Variants in ASCC3 observed in about 807,000 individuals in gnomAD.
The protein encoded by ASCC3 is ASC-1 complex subunit P200.
A neutral mutation model predicts 256.3 loss-of-function variants in ASCC3; 158 were observed. That is an observed-to-expected ratio of 0.62 (90% CI 0.54 to 0.70). The LOEUF (loss-of-function observed/expected upper bound fraction) is 0.70. ASCC3 is among the 30% of genes least tolerant of loss of function. The pLI is 0.00. For synonymous variants in ASCC3, 948 were observed against 883.4 expected (o/e 1.07, Z -1.30); for missense variants, 2,259 against 2,626.0 (o/e 0.86, Z 3.05).
In ASCC3 at chr6:100,647,485, C is replaced by T. The variant is rs765296291; in HGVS notation, c.3253-34G>A. On this transcript the variant is annotated intron_variant, in intron 20 of 41. Coordinates refer to ENST00000369162, the MANE Select transcript of ASCC3 (RefSeq NM_006828.4). ...TTATAGGAGGAGATTGGTGGTTATA[C>T]CCAATGTGCTTTTAAATTTGTCAAT... 5 of 1,552,600 alleles carry T rather than the reference C, an allele frequency of 3.2e-6. No homozygotes were observed. The African/African-American group carries it at 6.8e-5, about 21-fold the overall frequency.
chr6:100,601,265 G>T (rs1026931470), intron 34 of ASCC3, among the ~76,000 whole-genome samples: 1 of 152,010 alleles, frequency 6.6e-6, no homozygotes, highest in Admixed American at 6.6e-5. Flanking sequence ...CTAAAGATCA[G>T]CCCTTAAAAA....
chr6:100,691,690 AAATTT>A (rs1777857784), intron 13 of ASCC3, among the ~76,000 whole-genome samples: 1 of 152,048 alleles, frequency 6.6e-6, no homozygotes, highest in Non-Finnish European at 1.5e-5. Context: ...TTACTTATAC[AAATTT>A]AATATAAATC....
chr6:100,521,571 C>T (rs1774312566), intron 37 of ASCC3, among the ~76,000 whole-genome samples: 1 of 152,132 alleles, frequency 6.6e-6, no homozygotes, highest in South Asian at 2.1e-4. Flanking sequence ...TAATCAGGTT[C>T]TGTACTATCC....
At chr6:100,524,255 A>G (rs894723219) in intron 37 of ASCC3, among the ~76,000 whole-genome samples, 2 of 152,134 alleles carry the variant, frequency 1.3e-5, no homozygotes, top group Non-Finnish European at 2.9e-5. Context: ...CACACAGCAG[A>G]AAAATGTGAA....
At chr6:100,721,350 T>C (rs538606457) in intron 11 of ASCC3, among the ~76,000 whole-genome samples, 1 of 151,898 alleles carries the variant, frequency 6.6e-6, no homozygotes, top group Admixed American at 6.6e-5. Flanking sequence ...ATTGTAATAG[T>C]ATGGCTCCTT....
chr6:100,761,641 A>T (rs767565250), intron 10 of ASCC3, among the ~76,000 whole-genome samples: 1 of 152,196 alleles, frequency 6.6e-6, no homozygotes, highest in Non-Finnish European at 1.5e-5. Flanking sequence ...GAGTTTGGAG[A>T]TTATTGGCCC....
chr6:100,771,882 T>G (rs1409801802), intron 8 of ASCC3, among the ~76,000 whole-genome samples: 7 of 139,980 alleles, frequency 5.0e-5, no homozygotes, highest in African/African-American at 1.4e-4. Flanking sequence ...TTTTTTTTTT[T>G]TTTTTTTTTT....
chr6:100,604,266 T>C (rs986853018), intron 33 of ASCC3, among the ~76,000 whole-genome samples: 1 of 152,122 alleles, frequency 6.6e-6, no homozygotes, highest in East Asian at 1.9e-4. Context: ...ATTCCTGATA[T>C]TTAGACTAAA....
In ASCC3 at chr6:100,631,205, A is replaced by T; in HGVS notation, c.4131T>A (p.Tyr1377Ter). 7 of 1,611,456 alleles carry T rather than the reference A, an allele frequency of 4.3e-6. No individual in the cohort carries two copies. Among genetic ancestry groups the T allele is most frequent in the Non-Finnish European group, 3.4e-6 (4 of 1,178,040 alleles). ...GTACTAGGGCTTTTAGGGGTGCAATATATACCGCCTAAAAAGGGGAGAATA... is the reference window on the plus strand; with the variant it reads ...GTACTAGGGCTTTTAGGGGTGCAATTTATACCGCCTAAAAAGGGGAGAATA... ...FNKYPTSKAVYIAPLKALVRE... is the reference protein window; with the variant it reads ...FNKYPTSKAV The change falls in exon 26 of 42, where the codon TAT becomes TAA. Residue 1377 changes from tyrosine to a stop codon, truncating the protein, a stop_gained. Transcript: ENST00000369162. LOFTEE classifies it high-confidence loss of function.
chr6:100,738,094 G>C (rs117372764), intron 10 of ASCC3, among the ~76,000 whole-genome samples: 2,087 of 152,200 alleles, frequency 0.014, 21 homozygotes, highest in East Asian at 0.045. Context: ...ATTTGTTTGA[G>C]TTCCTTGTAG....
In ASCC3 at chr6:100,604,544, G is replaced by C. The variant is rs564312441; in HGVS notation, c.5177+1024C>G. Among the ~76,000 whole-genome samples, 232 of 151,522 alleles carry C rather than the reference G, an allele frequency of 1.5e-3. 1 individual carries two copies. Among genetic ancestry groups the C allele is most frequent in the African/African-American group, 5.3e-3 (220 of 41,346 alleles). On this transcript the variant is annotated intron_variant, in intron 33 of 41. Coordinates refer to ENST00000369162, the MANE Select transcript of ASCC3 (RefSeq NM_006828.4). ...TACAACACATGTACCTCAAGCTCCT[G>C]GGCTCAAGCAATCCTCCTGCTGCCT...
At chr6:100,875,398 G>A (rs1159297613) in intron 1 of ASCC3, among the ~76,000 whole-genome samples, 1 of 152,166 alleles carries the variant, frequency 6.6e-6, no homozygotes, top group East Asian at 1.9e-4. Flanking sequence ...TGGGGCATAT[G>A]GTTTTGGATT....
At chr6:100,597,233 A>C (rs1335887201) in intron 34 of ASCC3, among the ~76,000 whole-genome samples, 2 of 152,156 alleles carry the variant, frequency 1.3e-5, no homozygotes, top group Non-Finnish European at 1.5e-5. Context: ...CCTTTTAATA[A>C]TATTAAAATC....
Position 100,510,076 on chromosome 6 carries a change from C to T in ASCC3, c.6317G>A (p.Arg2106Gln), listed in dbSNP as rs371426685. Residue 2106 changes from arginine to glutamine, a missense_variant, in exon 41 of 42, where the codon CGA (arginine) becomes CAA (glutamine). Physicochemically the swap from Arg to Gln is conservative, Grantham distance 43. Coordinates refer to ENST00000369162, the MANE Select transcript of ASCC3 (RefSeq NM_006828.4). ...TCCTTCGTCTTTTGATTTGGGAAAT[C>T]GAGGAGTAACTGCACAGCTCTCTGG... ...GKPESCAVTP[R>Q]FPKSKDEGWF... 2.5e-6 allele frequency: 4 copies of T among 1,613,988 alleles called. No individual in the cohort carries two copies. Among genetic ancestry groups the T allele is most frequent in the Non-Finnish European group, 3.4e-6 (4 of 1,180,028 alleles).
intron 8 of ASCC3, among the ~76,000 whole-genome samples, chr6:100,773,200 T>C: frequency 6.6e-6 from 1 of 152,170 alleles, no homozygotes; most frequent in East Asian, 1.9e-4. Flanking sequence ...CTATAAACCA[T>C]ACACAGAGAT....
intron 4 of ASCC3, among the ~76,000 whole-genome samples, chr6:100,811,362 C>T (rs185270105): frequency 4.6e-4 from 70 of 152,200 alleles, no homozygotes; most frequent in Non-Finnish European, 9.3e-4. Context: ...CCCTTCATCA[C>T]CAATTCTGTT....
Position 100,683,960 on chromosome 6 carries a change from G to GA in ASCC3, c.2152-4209dup, listed in dbSNP as rs200777755. Among the ~76,000 whole-genome samples, 245 of 151,788 alleles carry GA rather than the reference G, an allele frequency of 1.6e-3. 9 individuals are homozygous for GA. The East Asian group carries it at 0.045, about 28-fold the overall frequency. On this transcript the variant is annotated intron_variant, in intron 13 of 41. Transcript: ENST00000369162. ...ATCATGGAATCATTCCCATACTTGGGAAAAAAAAGTATGTAAATTTGAGTT... is the reference window on the plus strand; with the variant it reads ...ATCATGGAATCATTCCCATACTTGGGAAAAAAAAAGTATGTAAATTTGAGTT...
At chr6:100,665,122 C>T (rs1386339964) in intron 14 of ASCC3, among the ~76,000 whole-genome samples, 1 of 151,926 alleles carries the variant, frequency 6.6e-6, no homozygotes, top group Non-Finnish European at 1.5e-5. Flanking sequence ...GCAGGTGGAT[C>T]TTGGAGTACT....
chr6:100,871,914 T>C (rs1773760843), intron 1 of ASCC3, among the ~76,000 whole-genome samples: 1 of 152,252 alleles, frequency 6.6e-6, no homozygotes, highest in African/African-American at 2.4e-5. Context: ...ACACAGTATG[T>C]ATGTACACTG....
Sources: gnomAD v4.1 joint callset for allele counts (sites outside exome capture counted in the v4.1 genomes callset) on GRCh38, gnomAD v4.1.1 for gene constraint, MANE v1.5 for transcripts, NCBI Gene and HGNC (gene_info 2026-07-23, HGNC 2026-07-21) for gene names.